The following CCDC39 variants were observed in gnomAD, a reference collection of about 807,000 sequenced individuals.
CCDC39 encodes the protein coiled-coil domain-containing protein 39.
A neutral mutation model predicts 121.0 loss-of-function variants in CCDC39; 113 were observed. The ratio of observed to expected loss-of-function variants is 0.93; its 90% CI spans 0.80 to 1.09. The LOEUF is 1.09. CCDC39 is among the 50% of genes least tolerant of loss of function. The pLI is 0.00. For missense variants in CCDC39, 1,063 were observed against 1,074.7 expected, an observed-to-expected ratio of 0.99 and a Z score of 0.15; for synonymous variants, 349 against 352.2, an observed-to-expected ratio of 0.99 and a Z score of 0.10.
intron 14 of CCDC39, among the ~76,000 whole-genome samples, chr3:180,627,575 A>AATT (rs1717594070): frequency 6.6e-6 from 1 of 152,228 alleles, no homozygotes; most frequent in South Asian, 2.1e-4. Context: ...CAAGTAACTT[A>AATT]ATTGGACAGT....
At chr3:180,670,639 C>CTTTTTTTTTTTTTTTTTTTTTTTTTTCTT (rs573623299) in intron 1 of CCDC39, among the ~76,000 whole-genome samples, 11 of 120,368 alleles carry the variant, frequency 9.1e-5, no homozygotes, top group Non-Finnish European at 1.4e-4. Context: ...TTTTTTTTCT[C>CTTTTTTTTTTTTTTTTTTTTTTTTTTCTT]TTTTTTTTTT....
intron 1 of CCDC39, among the ~76,000 whole-genome samples, chr3:180,676,756 GAT>G (rs1712219790): frequency 6.6e-6 from 1 of 152,086 alleles, no homozygotes; most frequent in Non-Finnish European, 1.5e-5. Context: ...GTCCAACAAT[GAT>G]AGACTGGATT....
At chr3:180,647,026 A>T in intron 11 of CCDC39, 53 bp downstream of exon 11, 1 of 1,551,850 alleles carries the variant, frequency 6.4e-7, no homozygotes. Context: ...ATGTTGTCCT[A>T]AAACAGAATG....
chr3:180,679,237 A>T lies in CCDC39; in HGVS notation c.90+54T>A. On this transcript the variant is annotated intron_variant, in intron 1 of 19. Coordinates refer to ENST00000476379, the MANE Select transcript of CCDC39 (RefSeq NM_181426.2). This position sits in a 1 kb window ranked among gnomAD's most constrained non-coding sequence, Gnocchi z 4.0. ...GCTGGGGTAGTACTGCCAACCAGAA[A>T]ACGCCCCCAACAGGCTCTCTCTGCT... The T allele has an allele frequency of 7.0e-7, 1 of 1,430,622 alleles. No individual in the cohort carries two copies. The highest frequency in any genetic ancestry group is 9.9e-7 in the Non-Finnish European group (1 of 1,012,402). 88.6% of individuals were successfully genotyped at this position (1,430,622 alleles called of 1,614,324 possible). A position where few individuals can be genotyped will look rare whatever the true frequency, so the allele number is the denominator to read the frequency against.
At position 180,631,338 on chromosome 3, in the gene CCDC39, A is replaced by T. The variant is rs1464295770; in HGVS notation, c.1998+131T>A. The T allele has an allele frequency of 7.2e-6, 6 of 828,738 alleles. No homozygotes were observed. The South Asian group carries it at 1.0e-4, about 14-fold the overall frequency. The allele number at this position is 828,738 out of a possible 1,614,324, so 51.3% of individuals were successfully genotyped here. A position where few individuals can be genotyped will look rare whatever the true frequency, so the allele number is the denominator to read the frequency against. On this transcript the variant is annotated intron_variant, in intron 14 of 19. Transcript: ENST00000476379. ...GTGTAATAGTGGCCCTAATTAAGTG[A>T]AATAGTTGCTAGATTTCATGGAGGG...
In CCDC39 at chr3:180,616,584, C is replaced by T; in HGVS notation, c.2518G>A (p.Glu840Lys). The change falls in exon 18 of 20, where the codon GAA becomes AAA. Residue 840 changes from glutamate (E) to lysine (K), a missense_variant. Coordinates refer to ENST00000476379, the MANE Select transcript of CCDC39 (RefSeq NM_181426.2). ...TCTTCTATGATATCAACTAACATTT[C>T]ATCAATAACTTTGTGAAACTGTTTC... The part of the protein sequence containing the change: ...EMKQFHKVID[E>K]MLVDIIEENT... 1 of 1,601,250 alleles carries T rather than the reference C, an allele frequency of 6.2e-7. No homozygotes were observed. The highest frequency in any genetic ancestry group is 8.5e-7 in the Non-Finnish European group (1 of 1,174,280).
intron 12 of CCDC39, among the ~76,000 whole-genome samples, chr3:180,643,120 C>T (rs918433851): frequency 4.0e-5 from 6 of 151,874 alleles, no homozygotes; most frequent in African/African-American, 9.7e-5. Flanking sequence ...CCACCACGCC[C>T]GGCTAATTTT....
Position 180,619,796 on chromosome 3 carries a change from T to C in CCDC39, c.2158+15A>G, listed in dbSNP as rs1197345353. 2.0e-6 allele frequency: 3 copies of C among 1,503,408 alleles called. No homozygotes were observed. The highest frequency in any genetic ancestry group is 1.8e-6 in the Non-Finnish European group (2 of 1,111,946). The allele number at this position is 1,503,408 out of a possible 1,614,324, so 93.1% of individuals were successfully genotyped here. A position where few individuals can be genotyped will look rare whatever the true frequency, so the allele number is the denominator to read the frequency against. On this transcript the variant is annotated intron_variant, in intron 15 of 19. Transcript: ENST00000476379. ...CACTGTATATATGTATAAAAAAAAG[T>C]TAACTCCTACATACTAGATGGAGTC... is the stretch of plus-strand genomic sequence containing the variant.
intron 11 of CCDC39, among the ~76,000 whole-genome samples, chr3:180,644,631 C>T (rs1044431573): frequency 1.3e-5 from 2 of 151,890 alleles, no homozygotes; most frequent in African/African-American, 4.8e-5. Context: ...TATAAAATGG[C>T]ATAGTATTTG....
intron 11 of CCDC39, among the ~76,000 whole-genome samples, chr3:180,645,087 A>G (rs1007491347): frequency 3.9e-5 from 6 of 152,082 alleles, no homozygotes; most frequent in Admixed American, 3.9e-4. Context: ...CCCTAGTATG[A>G]TGGACTCTTC....
intron 17 of CCDC39, 38 bp downstream of exon 17, chr3:180,616,788 G>T: frequency 6.3e-7 from 1 of 1,595,184 alleles, no homozygotes; most frequent in South Asian, 1.1e-5. Flanking sequence ...CTTCAAAAAT[G>T]TAAATATGAA....
chr3:180,661,364 A>T (rs1711738166), intron 3 of CCDC39, among the ~76,000 whole-genome samples: 1 of 152,078 alleles, frequency 6.6e-6, no homozygotes, highest in Non-Finnish European at 1.5e-5. Flanking sequence ...GTATTTCCAT[A>T]TGTATATGCA....
intron 12 of CCDC39, among the ~76,000 whole-genome samples, chr3:180,642,962 A>ATTT (rs111261462): frequency 6.9e-6 from 1 of 145,346 alleles, no homozygotes; most frequent in Non-Finnish European, 1.5e-5. Flanking sequence ...GACAGAGATA[A>ATTT]TTTTTTTTTT....
chr3:180,631,679 G>T, intron 13 of CCDC39, 87 bp from the exon 14 acceptor site: 1 of 1,155,236 alleles, frequency 8.7e-7, no homozygotes. Context: ...AAGACATTTG[G>T]ATTTGTGTTA....
chr3:180,624,877 G>A (rs1167676036), intron 14 of CCDC39, among the ~76,000 whole-genome samples: 1 of 152,116 alleles, frequency 6.6e-6, no homozygotes, highest in Admixed American at 6.5e-5. Context: ...TTTCTGCTGA[G>A]AAGTCTGCTG....
At position 180,679,334 on chromosome 3, in the gene CCDC39, G is replaced by A. The variant is rs762780849; in HGVS notation, c.47C>T (p.Ala16Val). 6 of 1,613,806 alleles carry A rather than the reference G, an allele frequency of 3.7e-6. No individual in the cohort carries two copies. The highest frequency in any genetic ancestry group is 5.1e-6 in the Non-Finnish European group (6 of 1,179,860). The change falls in exon 1 of 20, where the codon GCC becomes GTC. Residue 16 changes from alanine (A) to valine (V), a missense_variant. Coordinates refer to ENST00000476379, the MANE Select transcript of CCDC39 (RefSeq NM_181426.2). This position sits in a 1 kb window ranked among gnomAD's most constrained non-coding sequence, Gnocchi z 4.0. ...GTTCTCCTCGTTCGCCACCGGGATG[G>A]CGAACCCATCCTCCCAGTGCAGCTC... is the stretch of plus-strand genomic sequence containing the variant. ...LAELHWEDGF[A>V]IPVANEENKL...
chr3:180,623,608 T>C (rs1294676456), intron 14 of CCDC39, among the ~76,000 whole-genome samples: 1 of 152,054 alleles, frequency 6.6e-6, no homozygotes, highest in Admixed American at 6.6e-5. Context: ...AACATCCCCC[T>C]TAGCATTCCT....
intron 12 of CCDC39, 65 bp downstream of exon 12, chr3:180,644,055 A>T: frequency 3.3e-6 from 4 of 1,213,696 alleles, no homozygotes; most frequent in Admixed American, 5.7e-5. Flanking sequence ...ATATTTTTTC[A>T]TTTGTCTACA....
At chr3:180,620,759 A>T (rs1405331730) in intron 14 of CCDC39, among the ~76,000 whole-genome samples, 2 of 151,966 alleles carry the variant, frequency 1.3e-5, no homozygotes, top group African/African-American at 4.8e-5. Context: ...AGAAATATAA[A>T]TTTTTTTCTG....
Sources: gnomAD v4.1 joint callset for allele counts (sites outside exome capture counted in the v4.1 genomes callset) on GRCh38, gnomAD v4.1.1 for gene constraint, Gnocchi (gnomAD v3.1) non-coding constraint, MANE v1.5 for transcripts, NCBI Gene and HGNC (gene_info 2026-07-23, HGNC 2026-07-21) for gene names.